The following VEPH1 variants were observed in gnomAD, a reference collection of about 807,000 sequenced individuals.
The protein encoded by VEPH1 is ventricular zone expressed PH domain containing 1.
A neutral mutation model predicts 85.2 loss-of-function variants in VEPH1; 80 were observed. That is an observed-to-expected ratio of 0.94 (90% CI 0.78 to 1.13). The LOEUF is 1.13. Among genes scored for constraint, VEPH1 ranks in the 50% most tolerant of loss-of-function variants. VEPH1 has a pLI of 0.00. For synonymous variants in VEPH1, 297 were observed against 348.0 expected (o/e 0.85, Z 1.63); for missense variants, 955 against 980.5 (o/e 0.97, Z 0.35).
At chr3:157,468,431 C>T (rs1308554234) in intron 3 of VEPH1, among the ~76,000 whole-genome samples, 1 of 152,072 alleles carries the variant, frequency 6.6e-6, no homozygotes, top group Non-Finnish European at 1.5e-5. Flanking sequence ...AAAAATTAGC[C>T]ACGTGTGGTG....
At chr3:157,394,976 T>C (rs1257657141) in intron 6 of VEPH1, among the ~76,000 whole-genome samples, 2 of 152,076 alleles carry the variant, frequency 1.3e-5, no homozygotes, top group Non-Finnish European at 2.9e-5. Flanking sequence ...TGCAAAGTAT[T>C]GTCACCTGGT....
intron 4 of VEPH1, chr3:157,442,809 A>G (rs571511414): frequency 6.2e-7 from 1 of 1,614,186 alleles, no homozygotes; most frequent in South Asian, 1.1e-5. Context: ...CTTTGATGAA[A>G]CATTAGCCTT....
chr3:157,477,726 C>T (rs887517583), intron 2 of VEPH1, among the ~76,000 whole-genome samples: 2 of 152,098 alleles, frequency 1.3e-5, no homozygotes, highest in African/African-American at 2.4e-5. Context: ...CCAATAGGCA[C>T]GTAAATGGAA....
chr3:157,344,518 G>T (rs1214791421), intron 9 of VEPH1, among the ~76,000 whole-genome samples: 1 of 152,158 alleles, frequency 6.6e-6, no homozygotes, highest in East Asian at 1.9e-4. Flanking sequence ...ACTGCTCAAC[G>T]AAATAAAAGA....
chr3:157,338,581 C>T (rs1723197712), intron 9 of VEPH1, among the ~76,000 whole-genome samples: 1 of 152,106 alleles, frequency 6.6e-6, no homozygotes, highest in African/African-American at 2.4e-5. Flanking sequence ...TGCATGTACT[C>T]CCAGCAAATG....
intron 2 of VEPH1, among the ~76,000 whole-genome samples, chr3:157,492,029 G>A (rs1476994161): frequency 6.6e-6 from 1 of 152,086 alleles, no homozygotes; most frequent in Non-Finnish European, 1.5e-5. Flanking sequence ...CTTCAATGAA[G>A]CCTTCTCTAA....
At chr3:157,471,495 G>A (rs58676330) in intron 2 of VEPH1, among the ~76,000 whole-genome samples, 7,880 of 152,128 alleles carry the variant, frequency 0.052, 676 homozygotes, top group African/African-American at 0.18. Flanking sequence ...CCTCCAGCTG[G>A]GTAATAGAAT....
At chr3:157,437,770 A>G in intron 4 of VEPH1, 2 of 1,484,054 alleles carry the variant, frequency 1.3e-6, no homozygotes, top group East Asian at 2.8e-5. Flanking sequence ...CGCGGGCCGC[A>G]GGCTGGCGCG....
At chr3:157,262,938 C>T (rs1039044155) in intron 13 of VEPH1, among the ~76,000 whole-genome samples, 8 of 151,792 alleles carry the variant, frequency 5.3e-5, no homozygotes, top group East Asian at 1.9e-4. Context: ...GAGATTGATA[C>T]GAAAATAAAA....
At chr3:157,288,739 T>C (rs1717097517) in intron 11 of VEPH1, among the ~76,000 whole-genome samples, 1 of 152,194 alleles carries the variant, frequency 6.6e-6, no homozygotes, top group Admixed American at 6.5e-5. Context: ...GCCTATCACA[T>C]AGCAAGCACT....
chr3:157,359,484 A>G (rs1010439351), intron 9 of VEPH1, among the ~76,000 whole-genome samples: 1 of 152,242 alleles, frequency 6.6e-6, no homozygotes, highest in Admixed American at 6.5e-5. Flanking sequence ...CCTAGGAATA[A>G]CAGGCTGTTT....
At chr3:157,485,891 TGAAAA>T (rs1345183554) in intron 2 of VEPH1, among the ~76,000 whole-genome samples, 2 of 152,070 alleles carry the variant, frequency 1.3e-5, no homozygotes, top group Non-Finnish European at 2.9e-5. Context: ...TATATACTAA[TGAAAA>T]GAAAAGTTCT....
At chr3:157,378,978 C>G (rs561763832) in intron 7 of VEPH1, among the ~76,000 whole-genome samples, 17 of 152,346 alleles carry the variant, frequency 1.1e-4, no homozygotes, top group Admixed American at 4.6e-4. Context: ...CACTTTGTCT[C>G]TTGCCAACTG....
chr3:157,374,862 C>A (rs1727914742), intron 7 of VEPH1, among the ~76,000 whole-genome samples: 1 of 152,212 alleles, frequency 6.6e-6, no homozygotes, highest in Non-Finnish European at 1.5e-5. Context: ...TTACCCTTGA[C>A]ATTCCTTTAA....
At chr3:157,490,091 CTATAGA>C (rs976142226) in intron 2 of VEPH1, among the ~76,000 whole-genome samples, 3 of 151,804 alleles carry the variant, frequency 2.0e-5, no homozygotes, top group Non-Finnish European at 2.9e-5. Flanking sequence ...AATGTAATGT[CTATAGA>C]TATAAAGACA....
intron 2 of VEPH1, among the ~76,000 whole-genome samples, chr3:157,470,802 C>A (rs912683928): frequency 6.6e-6 from 1 of 152,182 alleles, no homozygotes; most frequent in Non-Finnish European, 1.5e-5. Context: ...TATTCACTTG[C>A]AAGTGGGTTT....
chr3:157,469,859 T>C (rs1736757081), intron 3 of VEPH1, among the ~76,000 whole-genome samples: 1 of 152,216 alleles, frequency 6.6e-6, no homozygotes, highest in Non-Finnish European at 1.5e-5. Flanking sequence ...AATATCATCA[T>C]GAAAAATTCT....
chr3:157,451,484 A>G (rs944028346), intron 4 of VEPH1, among the ~76,000 whole-genome samples: 3 of 152,224 alleles, frequency 2.0e-5, no homozygotes, highest in African/African-American at 7.2e-5. Context: ...ATGTAAAACT[A>G]AACATTACTT....
chr3:157,404,277 T>C (rs1730992449), intron 6 of VEPH1, among the ~76,000 whole-genome samples: 1 of 152,102 alleles, frequency 6.6e-6, no homozygotes, highest in African/African-American at 2.4e-5. Context: ...AAGGTATGGT[T>C]CCTTCCTTCA....
Sources: allele counts gnomAD v4.1 joint callset (sites outside exome capture counted in the v4.1 genomes callset), GRCh38; gene constraint gnomAD v4.1.1; transcripts MANE v1.5; gene names NCBI Gene and HGNC (gene_info 2026-07-23, HGNC 2026-07-21).